Variants in PPP2R2A observed in about 807,000 individuals in gnomAD.
The protein encoded by PPP2R2A is serine/threonine-protein phosphatase 2A 55 kDa regulatory subunit B alpha isoform.
Under a neutral mutation model 53.2 loss-of-function variants are expected in PPP2R2A, and 9 were observed. That is an observed-to-expected ratio of 0.17 (90% CI 0.10 to 0.30). The LOEUF (loss-of-function observed/expected upper bound fraction) is 0.30. Among genes scored for constraint, PPP2R2A ranks in the 10% least tolerant of loss-of-function variants. The pLI, the probability that PPP2R2A is intolerant of heterozygous loss-of-function variation, is 1.00. For missense variants in PPP2R2A, 235 were observed against 534.6 expected, an observed-to-expected ratio of 0.44 and a Z score of 5.53; for synonymous variants, 169 against 174.2, an observed-to-expected ratio of 0.97 and a Z score of 0.23.
Position 26,317,563 on chromosome 8 carries a change from C to T in PPP2R2A, c.83-21327C>T, listed in dbSNP as rs73675954. 4.8e-3 allele frequency among the ~76,000 whole-genome samples: 729 copies of T among 152,172 alleles called. 5 individuals carry two copies. Among genetic ancestry groups the T allele is most frequent in the African/African-American group, 0.017 (693 of 41,464 alleles). On this transcript the variant is annotated intron_variant, in intron 2 of 9. Transcript: ENST00000380737. ...CATCTCATTTTAAAATATATGATAA[C>T]TTCAGTTGTTTATTTTACTAAATGT...
chr8:26,327,201 C>A (rs148564696), intron 2 of PPP2R2A, among the ~76,000 whole-genome samples: 1 of 152,266 alleles, frequency 6.6e-6, no homozygotes, highest in Non-Finnish European at 1.5e-5. Flanking sequence ...GTTACATAAG[C>A]ATTAAATCGA....
chr8:26,315,690 T>A (rs931230064), intron 2 of PPP2R2A, among the ~76,000 whole-genome samples: 1 of 152,212 alleles, frequency 6.6e-6, no homozygotes, highest in African/African-American at 2.4e-5. Context: ...CCCTTTTGCA[T>A]GCTCAGAGGT....
chr8:26,332,095 C>G (rs1803410718), intron 2 of PPP2R2A, among the ~76,000 whole-genome samples: 3 of 152,110 alleles, frequency 2.0e-5, no homozygotes, highest in African/African-American at 7.2e-5. Context: ...GTGGCTCACG[C>G]CTGTAATCCC....
At chr8:26,298,047 A>G (rs925176513) in intron 2 of PPP2R2A, among the ~76,000 whole-genome samples, 2 of 152,226 alleles carry the variant, frequency 1.3e-5, no homozygotes, top group East Asian at 1.9e-4. Flanking sequence ...AAAGTACTAT[A>G]AAAGTCAGTA....
intron 1 of PPP2R2A, 144 bp downstream of exon 1, chr8:26,291,970 TGGGGGCGGGGA>T: frequency 5.2e-6 from 1 of 191,562 alleles, no homozygotes; most frequent in Non-Finnish European, 1.0e-5. Context: ...AGGGGTGGGG[TGGGGGCGGGGA>T]GGGCTCCCGG....
intron 2 of PPP2R2A, among the ~76,000 whole-genome samples, chr8:26,319,607 A>G (rs761373610): frequency 8.6e-5 from 13 of 152,022 alleles, no homozygotes; most frequent in Non-Finnish European, 1.5e-4. Flanking sequence ...TCATGTTTTG[A>G]AAAGACTGTA....
At chr8:26,334,543 A>C (rs1803553829) in intron 2 of PPP2R2A, among the ~76,000 whole-genome samples, 1 of 152,174 alleles carries the variant, frequency 6.6e-6, no homozygotes, top group South Asian at 2.1e-4. Context: ...CAGGAGATTG[A>C]GACCATCCTG....
At position 26,301,882 on chromosome 8, in the gene PPP2R2A, A is replaced by G. The variant is rs112578894; in HGVS notation, c.82+8142A>G. Among the ~76,000 whole-genome samples the G allele has an allele frequency of 1.8e-3, 280 of 152,368 alleles. 2 individuals are homozygous for G. The highest frequency in any genetic ancestry group is 6.2e-3 in the African/African-American group (258 of 41,576). On this transcript the variant is annotated intron_variant, in intron 2 of 9. Coordinates refer to ENST00000380737, the MANE Select transcript of PPP2R2A (RefSeq NM_002717.4). ...AGCATGAGATCAAGACAGTAGCACA[A>G]AAGAGTACCTGTAGAGGTAATCTTC...
chr8:26,326,375 A>T (rs920362738), intron 2 of PPP2R2A, among the ~76,000 whole-genome samples: 2 of 152,158 alleles, frequency 1.3e-5, no homozygotes, highest in Non-Finnish European at 2.9e-5. Flanking sequence ...TCTTTTTGTC[A>T]TTGGAATAAA....
chr8:26,298,028 A>G (rs898752059), intron 2 of PPP2R2A, among the ~76,000 whole-genome samples: 6 of 152,236 alleles, frequency 3.9e-5, no homozygotes, highest in African/African-American at 1.4e-4. Flanking sequence ...GGAAAAAAAC[A>G]TACTGTAAAA....
chr8:26,333,873 G>GGTTTCACTCTT (rs1803512301), intron 2 of PPP2R2A, among the ~76,000 whole-genome samples: 1 of 152,176 alleles, frequency 6.6e-6, no homozygotes, highest in African/African-American at 2.4e-5. Flanking sequence ...CACCTTCTAA[G>GGTTTCACTCTT]AGTGAAACCT....
chr8:26,332,601 A>G (rs2117305460), intron 2 of PPP2R2A, among the ~76,000 whole-genome samples: 1 of 152,208 alleles, frequency 6.6e-6, no homozygotes, highest in South Asian at 2.1e-4. Flanking sequence ...TTATTGGTTA[A>G]TGCTTCATCT....
chr8:26,317,173 G>T (rs1022080575), intron 2 of PPP2R2A, among the ~76,000 whole-genome samples: 5 of 152,184 alleles, frequency 3.3e-5, no homozygotes, highest in African/African-American at 1.2e-4. Context: ...AGTAGGTCCA[G>T]CCACAGGAGC....
intron 2 of PPP2R2A, among the ~76,000 whole-genome samples, chr8:26,302,768 A>G (rs1409286497): frequency 6.6e-6 from 1 of 152,214 alleles, no homozygotes; most frequent in African/African-American, 2.4e-5. Context: ...GTTAGGCCAG[A>G]TTAAATTAAA....
intron 8 of PPP2R2A, chr8:26,365,446 A>G (rs1180856809): frequency 6.6e-6 from 1 of 152,182 alleles, no homozygotes; most frequent in East Asian, 1.9e-4. Flanking sequence ...GACACTGAAA[A>G]TAAGTTTAGA....
intron 2 of PPP2R2A, among the ~76,000 whole-genome samples, chr8:26,316,903 AT>A (rs1474045419): frequency 6.6e-6 from 1 of 152,218 alleles, no homozygotes; most frequent in African/African-American, 2.4e-5. Context: ...GGGGATGAAC[AT>A]TTAGTCCATA....
intron 2 of PPP2R2A, among the ~76,000 whole-genome samples, chr8:26,306,161 A>G (rs1802010875): frequency 6.6e-6 from 1 of 151,136 alleles, no homozygotes; most frequent in Non-Finnish European, 1.5e-5. Context: ...TGACAGAGCA[A>G]GACTCCATCT....
At chr8:26,346,150 T>A (rs894995525) in intron 3 of PPP2R2A, among the ~76,000 whole-genome samples, 1 of 137,010 alleles carries the variant, frequency 7.3e-6, no homozygotes. Context: ...TATTATTATT[T>A]ATTTTAGTTT....
chr8:26,354,102 C>CT lies in PPP2R2A; in HGVS notation c.181-363dup, dbSNP rs768488205. Reference sequence around the variant, plus strand: ...CTCACCTAGCTCTTTCTGGGCAAGACTTTATCATTATTTTTAGATGAACTT... The same window carrying CT: ...CTCACCTAGCTCTTTCTGGGCAAGACTTTTATCATTATTTTTAGATGAACTT... On this transcript the variant is annotated intron_variant, in intron 3 of 9. Transcript: ENST00000380737. The surrounding 1 kb of genome is among the most constrained non-coding windows in gnomAD (Gnocchi z 4.6). 1.8e-4 allele frequency among the ~76,000 whole-genome samples: 28 copies of CT among 152,054 alleles called. No individual in the cohort carries two copies. The highest frequency in any genetic ancestry group is 3.1e-4 in the Non-Finnish European group (21 of 68,010).
Sources: allele counts gnomAD v4.1 joint callset (sites outside exome capture counted in the v4.1 genomes callset), GRCh38; gene constraint gnomAD v4.1.1; non-coding constraint Gnocchi (gnomAD v3.1); transcripts MANE v1.5; gene names NCBI Gene and HGNC (gene_info 2026-07-23, HGNC 2026-07-21).